The following CFAP107 variants were observed in gnomAD, a reference collection of about 807,000 sequenced individuals.
The protein encoded by CFAP107 is cilia and flagella associated protein 107, also known as cilia- and flagella-associated protein 107.
At chr1:12,754,402 C>A in the CFAP107 span, among the ~76,000 whole-genome samples, 2 of 152,170 alleles carry the variant, frequency 1.3e-5, no homozygotes, top group African/African-American at 4.8e-5. Context: ...AAGAAATGGG[C>A]ACCCTTGTGC....
At chr1:12,760,917 C>T in the CFAP107 span, 1 of 1,613,542 alleles carries the variant, frequency 6.2e-7, no homozygotes, top group African/African-American at 1.3e-5. Context: ...GTCCCGGTCC[C>T]TCCCCATCGC....
At chr1:12,759,549 G>C in the CFAP107 span, 2 of 1,582,114 alleles carry the variant, frequency 1.3e-6, no homozygotes, top group African/African-American at 2.7e-5. Context: ...GACCAACGGA[G>C]CTGTACCTGC....
At chr1:12,749,674 G>C in the CFAP107 span, among the ~76,000 whole-genome samples, 1 of 152,146 alleles carries the variant, frequency 6.6e-6, no homozygotes, top group Admixed American at 6.5e-5. Flanking sequence ...AGAAACCTTG[G>C]AGCCTGGAAG....
the CFAP107 span, among the ~76,000 whole-genome samples, chr1:12,748,572 A>C: frequency 6.6e-6 from 1 of 152,084 alleles, no homozygotes; most frequent in Admixed American, 6.5e-5. Flanking sequence ...TCAGAACATT[A>C]CCTGCTAGTT....
At chr1:12,747,483 T>C in the CFAP107 span, among the ~76,000 whole-genome samples, 1 of 152,212 alleles carries the variant, frequency 6.6e-6, no homozygotes, top group African/African-American at 2.4e-5. Context: ...ATACTTGAAA[T>C]TGAATATCTT....
At chr1:12,759,226 A>G in the CFAP107 span, 13 of 1,485,984 alleles carry the variant, frequency 8.7e-6, no homozygotes, top group African/African-American at 2.8e-5. Flanking sequence ...ACAGACCCCT[A>G]CATGTGGCAG....
At chr1:12,751,287 G>A in the CFAP107 span, among the ~76,000 whole-genome samples, 3 of 152,070 alleles carry the variant, frequency 2.0e-5, no homozygotes, top group Non-Finnish European at 4.4e-5. Context: ...ATTTAGAGAA[G>A]AGATAAGTAA....
the CFAP107 span, among the ~76,000 whole-genome samples, chr1:12,749,203 A>G: frequency 6.6e-6 from 1 of 152,254 alleles, no homozygotes; most frequent in Non-Finnish European, 1.5e-5. Context: ...AAAAATCTAA[A>G]GAGACCCTCA....
At chr1:12,756,465 C>A in the CFAP107 span, among the ~76,000 whole-genome samples, 1 of 152,176 alleles carries the variant, frequency 6.6e-6, no homozygotes, top group Admixed American at 6.5e-5. Flanking sequence ...CAGGGAAAGC[C>A]GTCTCCTGCA....
the CFAP107 span, among the ~76,000 whole-genome samples, chr1:12,752,604 A>G: frequency 1.3e-5 from 2 of 150,256 alleles, no homozygotes; most frequent in African/African-American, 4.9e-5. Flanking sequence ...AAATTAACCA[A>G]TATACTAGAA....
the CFAP107 span, chr1:12,755,689 G>A: frequency 6.4e-7 from 1 of 1,573,056 alleles, no homozygotes; most frequent in Non-Finnish European, 8.8e-7. Flanking sequence ...TGAATATTTG[G>A]TCTTTTCCAG....
At chr1:12,754,400 G>C in the CFAP107 span, among the ~76,000 whole-genome samples, 1 of 152,282 alleles carries the variant, frequency 6.6e-6, no homozygotes, top group East Asian at 1.9e-4. Context: ...TGAAGAAATG[G>C]GCACCCTTGT....
the CFAP107 span, among the ~76,000 whole-genome samples, chr1:12,755,172 C>T: frequency 2.0e-5 from 3 of 152,116 alleles, no homozygotes; most frequent in East Asian, 1.9e-4. Context: ...TTTGGGAGGC[C>T]GAGGCACGTG....
the CFAP107 span, chr1:12,755,783 C>G: frequency 1.2e-6 from 2 of 1,613,568 alleles, no homozygotes; most frequent in Non-Finnish European, 8.5e-7. Context: ...CAGACCAGAT[C>G]TCCAGGTGGT....
At chr1:12,755,330 G>A in the CFAP107 span, among the ~76,000 whole-genome samples, 1 of 152,064 alleles carries the variant, frequency 6.6e-6, no homozygotes, top group East Asian at 1.9e-4. Flanking sequence ...GCTTGAACCC[G>A]AGAGGCAGAG....
At chr1:12,749,245 C>T in the CFAP107 span, among the ~76,000 whole-genome samples, 480 of 151,970 alleles carry the variant, frequency 3.2e-3, 3 homozygotes, top group African/African-American at 9.7e-3. Context: ...ATATTGAAAC[C>T]CAAAAACAAA....
At chr1:12,746,470 C>T in the CFAP107 span, 5 of 1,613,830 alleles carry the variant, frequency 3.1e-6, no homozygotes, top group Non-Finnish European at 4.2e-6. Flanking sequence ...ACTCTCTACT[C>T]CGAGCTGGCA....
chr1:12,760,961 C>T, the CFAP107 span: 1 of 1,604,070 alleles, frequency 6.2e-7, no homozygotes, highest in Non-Finnish European at 8.5e-7. Flanking sequence ...AGAGCTGCCA[C>T]CCCAGGAGCA....
the CFAP107 span, among the ~76,000 whole-genome samples, chr1:12,752,584 T>TAAAAAAAA: frequency 7.7e-6 from 1 of 130,470 alleles, no homozygotes; most frequent in African/African-American, 3.1e-5. Context: ...AAAAAAAAAT[T>TAAAAAAAA]AATATATAAA....
Sources: gnomAD v4.1 joint callset for allele counts (sites outside exome capture counted in the v4.1 genomes callset) on GRCh38, gnomAD v4.1.1 for gene constraint, MANE v1.5 for transcripts, NCBI Gene and HGNC (gene_info 2026-07-23, HGNC 2026-07-21) for gene names.